Variants in TRAPPC9 observed in about 807,000 individuals in gnomAD.
The protein encoded by TRAPPC9 is trafficking protein particle complex subunit 9.
Under a neutral mutation model 124.0 loss-of-function variants are expected in TRAPPC9, and 83 were observed. The observed-to-expected ratio is 0.67, with a 90% CI of 0.56 to 0.80. TRAPPC9 has a LOEUF of 0.80. TRAPPC9 is among the 30% of genes least tolerant of loss of function. TRAPPC9 has a pLI of 0.00. For synonymous variants in TRAPPC9, 638 were observed against 617.5 expected (o/e 1.03, Z -0.49); for missense variants, 1,302 against 1,508.3 (o/e 0.86, Z 2.27).
At chr8:140,412,830 C>T (rs76597460) in intron 5 of TRAPPC9, among the ~76,000 whole-genome samples, 4,937 of 151,878 alleles carry the variant, frequency 0.033, 264 homozygotes, top group African/African-American at 0.11. Flanking sequence ...GGATGTATTT[C>T]GTAAAGACAA....
chr8:139,746,599 G>A (rs1349888241), intron 21 of TRAPPC9, among the ~76,000 whole-genome samples: 1 of 152,228 alleles, frequency 6.6e-6, no homozygotes, highest in Non-Finnish European at 1.5e-5. Flanking sequence ...ACACTGTGGA[G>A]CCTGGGTCCC....
At chr8:139,952,536 C>A (rs1467273496) in intron 19 of TRAPPC9, among the ~76,000 whole-genome samples, 1 of 152,134 alleles carries the variant, frequency 6.6e-6, no homozygotes, top group African/African-American at 2.4e-5. Context: ...CCAGAGGGCT[C>A]TCCCCGGGAG....
intron 11 of TRAPPC9, among the ~76,000 whole-genome samples, chr8:140,295,284 T>A (rs1010677226): frequency 6.6e-6 from 1 of 152,172 alleles, no homozygotes; most frequent in Admixed American, 6.5e-5. Context: ...TTTAGAAACA[T>A]TATCTCCCTT....
At position 139,984,475 on chromosome 8, in the gene TRAPPC9, G is replaced by C. The variant is rs1213718275; in HGVS notation, c.2810+4251C>G. On this transcript the variant is annotated intron_variant, in intron 19 of 22. Transcript: ENST00000438773. This position sits in a 1 kb window ranked among gnomAD's most constrained non-coding sequence, Gnocchi z 4.3. ...GGTGGGGGGCCGGGGGGTGGTGGCA[G>C]GGGTGCCTCCTCGTAGGGGAACGGG... Among the ~76,000 whole-genome samples the C allele has an allele frequency of 6.6e-6, 1 of 152,070 alleles. No homozygotes were observed. Among genetic ancestry groups the C allele is most frequent in the East Asian group, 1.9e-4 (1 of 5,180 alleles).
intron 4 of TRAPPC9, among the ~76,000 whole-genome samples, chr8:140,433,628 T>C (rs771317772): frequency 9.2e-5 from 14 of 152,102 alleles, no homozygotes; most frequent in Non-Finnish European, 1.8e-4. Context: ...ACACATAATC[T>C]ATTCAACAAT....
chr8:140,354,371 C>T (rs1031694499), intron 9 of TRAPPC9, among the ~76,000 whole-genome samples: 1 of 152,200 alleles, frequency 6.6e-6, no homozygotes, highest in African/African-American at 2.4e-5. Flanking sequence ...AGAAAAGCAA[C>T]ACAGTCACGG....
chr8:140,119,467 G>C (rs1587745304), intron 17 of TRAPPC9, among the ~76,000 whole-genome samples: 1 of 152,100 alleles, frequency 6.6e-6, no homozygotes, highest in East Asian at 1.9e-4. Flanking sequence ...GTGAGTTTTG[G>C]AGAAACTCAC....
intron 21 of TRAPPC9, among the ~76,000 whole-genome samples, chr8:139,763,419 C>T (rs1820366345): frequency 6.6e-6 from 1 of 152,246 alleles, no homozygotes; most frequent in Non-Finnish European, 1.5e-5. Context: ...ATGGAAGCTA[C>T]AGCCCCTCTC....
chr8:140,291,710 C>CT (rs967130740), intron 11 of TRAPPC9, among the ~76,000 whole-genome samples: 2 of 152,256 alleles, frequency 1.3e-5, no homozygotes, highest in African/African-American at 4.8e-5. Flanking sequence ...TCCGTTGACT[C>CT]TGAGTTAATC....
intron 17 of TRAPPC9, among the ~76,000 whole-genome samples, chr8:140,144,518 T>C (rs1239823364): frequency 6.6e-6 from 1 of 152,204 alleles, no homozygotes; most frequent in Non-Finnish European, 1.5e-5. Context: ...AGATGGAGTC[T>C]CACTCTTTTG....
intron 21 of TRAPPC9, among the ~76,000 whole-genome samples, chr8:139,741,784 C>T (rs80192464): frequency 0.011 from 1,624 of 152,196 alleles, 32 homozygotes; most frequent in African/African-American, 0.037. Flanking sequence ...CAGTGAGCTC[C>T]GGCGCCTGGC....
chr8:140,297,938 T>C (rs141796457), intron 11 of TRAPPC9, among the ~76,000 whole-genome samples: 2 of 152,182 alleles, frequency 1.3e-5, no homozygotes, highest in African/African-American at 2.4e-5. Flanking sequence ...GAGGAAACCA[T>C]AGGGTACTAA....
At chr8:139,927,083 G>C (rs1339774917) in intron 19 of TRAPPC9, among the ~76,000 whole-genome samples, 1 of 152,128 alleles carries the variant, frequency 6.6e-6, no homozygotes, top group Non-Finnish European at 1.5e-5. Context: ...CACAGTCATG[G>C]GGGAAATGTA....
intron 17 of TRAPPC9, among the ~76,000 whole-genome samples, chr8:140,164,877 A>G (rs944898058): frequency 6.6e-6 from 1 of 152,154 alleles, no homozygotes; most frequent in African/African-American, 2.4e-5. Context: ...TCCTGGCTCA[A>G]GCCCGCATCA....
chr8:140,213,157 C>T (rs1371342300), intron 17 of TRAPPC9, among the ~76,000 whole-genome samples: 1 of 150,876 alleles, frequency 6.6e-6, no homozygotes, highest in Non-Finnish European at 1.5e-5. Context: ...TTATATTTTC[C>T]ATTTCAATTT....
rs541824895 is a variant in TRAPPC9 at position 139,852,171 on chromosome 8, C to T, written c.3055+33708G>A. 2.0e-5 allele frequency among the ~76,000 whole-genome samples: 3 copies of T among 152,324 alleles called. No homozygotes were observed. In the East Asian group the frequency reaches 5.8e-4, roughly 29 times the overall value. On this transcript the variant is annotated intron_variant, in intron 21 of 22. Transcript: ENST00000438773. ...CTGCTGCCTTCCACAGATGATGAGACTTGCTCCTCCTTGCCTTCCACCACA... is the reference window on the plus strand; with the variant it reads ...CTGCTGCCTTCCACAGATGATGAGATTTGCTCCTCCTTGCCTTCCACCACA...
At chr8:139,839,629 C>A (rs552359894) in intron 21 of TRAPPC9, among the ~76,000 whole-genome samples, 1 of 152,330 alleles carries the variant, frequency 6.6e-6, no homozygotes, top group African/African-American at 2.4e-5. Flanking sequence ...AACTGCTCCC[C>A]GAAAGCGGAT....
At position 140,398,335 on chromosome 8, in the gene TRAPPC9, T is replaced by C. The variant is rs557932052; in HGVS notation, c.1009-590A>G. Reference sequence around the variant, plus strand: ...TTTGGAACTGGGTAACAGACAGAGGTTGGAACAGTTTGGAGGGCTCAGAAG... The same window carrying C: ...TTTGGAACTGGGTAACAGACAGAGGCTGGAACAGTTTGGAGGGCTCAGAAG... On this transcript the variant is annotated intron_variant, in intron 6 of 22. Coordinates refer to ENST00000438773, the MANE Select transcript of TRAPPC9 (RefSeq NM_001160372.4). Among the ~76,000 whole-genome samples, 32 of 151,966 alleles carry C rather than the reference T, an allele frequency of 2.1e-4. No homozygotes were observed. In the East Asian group the frequency reaches 3.1e-3, roughly 15 times the overall value.
intron 16 of TRAPPC9, among the ~76,000 whole-genome samples, chr8:140,226,452 C>T (rs192689467): frequency 6.2e-4 from 94 of 151,780 alleles, no homozygotes; most frequent in African/African-American, 1.7e-3. Context: ...AACAGCTGGG[C>T]GTGGTGGTGC....
Sources: gnomAD v4.1 joint callset for allele counts (sites outside exome capture counted in the v4.1 genomes callset) on GRCh38, gnomAD v4.1.1 for gene constraint, Gnocchi (gnomAD v3.1) non-coding constraint, MANE v1.5 for transcripts, NCBI Gene and HGNC (gene_info 2026-07-23, HGNC 2026-07-21) for gene names.